Variants in AK9 observed in about 807,000 individuals in gnomAD.
AK9 encodes the protein adenylate kinase 9, also known as adenylate kinase domain containing 1.
A neutral mutation model predicts 239.6 loss-of-function variants in AK9; 191 were observed. The observed-to-expected ratio is 0.80, with a 90% confidence interval of 0.71 to 0.90. The LOEUF (loss-of-function observed/expected upper bound fraction) is 0.90. Ranked by LOEUF, AK9 falls within the 40% of genes least tolerant of loss-of-function variation. The pLI, the probability that AK9 is intolerant of heterozygous loss-of-function variation, is 0.00. For missense variants in AK9, 1,995 were observed against 2,214.7 expected, an observed-to-expected ratio of 0.90 and a Z score of 1.99; for synonymous variants, 689 against 721.0, an observed-to-expected ratio of 0.96 and a Z score of 0.71.
In AK9 at chr6:109,544,695, T is replaced by A. The variant is rs552503920; in HGVS notation, c.3225+1172A>T. Reference sequence around the variant, plus strand: ...TGAAGAATTGCGAGCCAGTTAAACCTATTTTCTTTAAAAATTACCCAATCT... The same window carrying A: ...TGAAGAATTGCGAGCCAGTTAAACCAATTTTCTTTAAAAATTACCCAATCT... On this transcript the variant is annotated intron_variant, in intron 26 of 40. Coordinates refer to ENST00000424296, the MANE Select transcript of AK9 (RefSeq NM_001145128.3). Among the ~76,000 whole-genome samples, 3 of 152,316 alleles carry A rather than the reference T, an allele frequency of 2.0e-5. No individual in the cohort carries two copies. In the South Asian group the frequency reaches 6.2e-4, roughly 32 times the overall value.
intron 35 of AK9, among the ~76,000 whole-genome samples, chr6:109,502,434 A>G (rs1057106325): frequency 1.2e-4 from 19 of 152,298 alleles, no homozygotes; most frequent in African/African-American, 4.6e-4. Flanking sequence ...TGTGTCCACA[A>G]GCTCAGGAAT....
At chr6:109,576,833 CTTT>C (rs552286836) in intron 20 of AK9, among the ~76,000 whole-genome samples, 3 of 135,046 alleles carry the variant, frequency 2.2e-5, no homozygotes, top group African/African-American at 2.7e-5. Flanking sequence ...TCATAGATTT[CTTT>C]TTTTTTTTTT....
chr6:109,548,050 C>A (rs1192448744), intron 25 of AK9, among the ~76,000 whole-genome samples: 1 of 150,652 alleles, frequency 6.6e-6, no homozygotes, highest in African/African-American at 2.4e-5. Flanking sequence ...ATCAAAAAGA[C>A]AAAAAAAATA....
At chr6:109,563,562 A>G (rs1442819687) in intron 24 of AK9, 35 bp downstream of exon 24, 2 of 1,545,990 alleles carry the variant, frequency 1.3e-6, no homozygotes, top group East Asian at 4.9e-5. Context: ...CAATGACTTC[A>G]CAAATGAGAA....
intron 17 of AK9, among the ~76,000 whole-genome samples, chr6:109,603,763 C>G (rs748856328): frequency 1.3e-5 from 2 of 152,190 alleles, no homozygotes; most frequent in African/African-American, 4.8e-5. Context: ...ACTCAAGCCT[C>G]AGCGATGGCA....
In AK9 at chr6:109,641,395, C is replaced by G. The variant is rs1303795883; in HGVS notation, c.933+123G>C. On this transcript the variant is annotated intron_variant, in intron 10 of 40. Coordinates refer to ENST00000424296, the MANE Select transcript of AK9 (RefSeq NM_001145128.3). The stretch of plus-strand genomic sequence containing the variant: ...TAGAGATGGGTTCTGACTAGGTCAT[C>G]CAGGCTGGTCTCAGACTCCTGGGCT... 8.0e-6 allele frequency: 4 copies of G among 498,274 alleles called. No individual in the cohort carries two copies. In the African/African-American group the frequency reaches 9.0e-5, roughly 11 times the overall value. The allele number at this position is 498,274 out of a possible 1,614,324, so 30.9% of individuals were successfully genotyped here.
intron 19 of AK9, among the ~76,000 whole-genome samples, chr6:109,580,401 A>AT (rs1474641418): frequency 6.6e-6 from 1 of 152,180 alleles, no homozygotes; most frequent in Non-Finnish European, 1.5e-5. Context: ...CTAGAAATCT[A>AT]TATCTAGGAA....
intron 36 of AK9, 106 bp downstream of exon 36, chr6:109,498,938 G>T: frequency 1.1e-6 from 1 of 950,046 alleles, no homozygotes; most frequent in Non-Finnish European, 1.5e-6. Flanking sequence ...CCAGTAATGG[G>T]GCTCCTAGTC....
intron 20 of AK9, among the ~76,000 whole-genome samples, chr6:109,577,250 A>C (rs1788218535): frequency 6.6e-6 from 1 of 152,164 alleles, no homozygotes; most frequent in Non-Finnish European, 1.5e-5. Context: ...AGATGATCAT[A>C]AGATTTTTGT....
At chr6:109,619,757 T>C (rs1794604968) in intron 12 of AK9, among the ~76,000 whole-genome samples, 1 of 151,950 alleles carries the variant, frequency 6.6e-6, no homozygotes, top group African/African-American at 2.4e-5. Flanking sequence ...GCCTGAACTT[T>C]TACATCACTC....
intron 17 of AK9, among the ~76,000 whole-genome samples, chr6:109,606,717 C>T (rs1206854802): frequency 6.6e-6 from 1 of 152,224 alleles, no homozygotes; most frequent in African/African-American, 2.4e-5. Flanking sequence ...GACACAGCTG[C>T]TGTAGAGTAA....
At position 109,497,354 on chromosome 6, in the gene AK9, A is replaced by ACTCTCTCT. The variant is rs1202623620; in HGVS notation, c.5315+110_5315+111insAGAGAGAG. Reference sequence around the variant, plus strand: ...CACACACACACACACACACACACACACACACACACTCTCTCTCTCTCTCTC... The same window carrying ACTCTCTCT: ...CACACACACACACACACACACACACACTCTCTCTCACACACACTCTCTCTCTCTCTCTC... On this transcript the variant is annotated intron_variant, in intron 38 of 40. Transcript: ENST00000424296. 26 of 605,440 alleles carry ACTCTCTCT rather than the reference A, an allele frequency of 4.3e-5. No homozygotes were observed. The African/African-American group carries it at 6.1e-4, about 14-fold the overall frequency. 37.5% of individuals were successfully genotyped at this position (605,440 alleles called of 1,614,324 possible).
chr6:109,533,337 G>A lies in AK9; in HGVS notation c.3484C>T (p.Pro1162Ser), dbSNP rs1314999898. 6.8e-6 allele frequency: 11 copies of A among 1,611,806 alleles called. No individual in the cohort carries two copies. Among genetic ancestry groups the A allele is most frequent in the African/African-American group, 1.3e-5 (1 of 74,808 alleles). ...DDQDIFDRLL[P>S]AQIEKWKLKQ... The stretch of plus-strand genomic sequence containing the variant: ...AGTTTCCACTTTTCAATTTGGGCAG[G>A]AAGGAGGCGATCAAAAATATCTTGA... Residue 1162 changes from proline to serine, a missense_variant, in exon 28 of 41, where the codon CCT (proline) becomes TCT (serine). Coordinates refer to ENST00000424296, the MANE Select transcript of AK9 (RefSeq NM_001145128.3).
At chr6:109,646,366 C>T (rs1244957426) in intron 8 of AK9, among the ~76,000 whole-genome samples, 1 of 151,980 alleles carries the variant, frequency 6.6e-6, no homozygotes, top group Non-Finnish European at 1.5e-5. Context: ...AGACGAATGG[C>T]TAACTAGAAT....
At chr6:109,628,393 A>G (rs1017658105) in intron 12 of AK9, among the ~76,000 whole-genome samples, 1 of 152,166 alleles carries the variant, frequency 6.6e-6, no homozygotes, top group Non-Finnish European at 1.5e-5. Flanking sequence ...AACTGAGCTC[A>G]GTCTCCTCAG....
intron 17 of AK9, among the ~76,000 whole-genome samples, chr6:109,599,128 T>TTTAGACATGAAGTCC (rs1791525933): frequency 6.6e-6 from 1 of 152,360 alleles, no homozygotes; most frequent in East Asian, 1.9e-4. Flanking sequence ...CTTTTGGTGT[T>TTTAGACATGAAGTCC]TTAGACATGA....
At chr6:109,590,002 A>G (rs1047687177) in intron 17 of AK9, among the ~76,000 whole-genome samples, 1 of 152,158 alleles carries the variant, frequency 6.6e-6, no homozygotes, top group Non-Finnish European at 1.5e-5. Context: ...ATCTATGTTC[A>G]TCAGGAATAA....
At chr6:109,528,580 T>C (rs931294132) in intron 29 of AK9, 13 of 457,658 alleles carry the variant, frequency 2.8e-5, no homozygotes, top group Admixed American at 9.4e-5. Context: ...ACAATTACTT[T>C]GGCCCCGCTT....
At chr6:109,650,652 C>T (rs1341862021) in intron 8 of AK9, among the ~76,000 whole-genome samples, 1 of 152,176 alleles carries the variant, frequency 6.6e-6, no homozygotes, top group Non-Finnish European at 1.5e-5. Context: ...ACTAGTTCAA[C>T]CATTGTGAAA....
Sources: gnomAD v4.1 joint callset for allele counts (sites outside exome capture counted in the v4.1 genomes callset) on GRCh38, gnomAD v4.1.1 for gene constraint, MANE v1.5 for transcripts, NCBI Gene and HGNC (gene_info 2026-07-23, HGNC 2026-07-21) for gene names.